Variants in CYTIP observed in about 807,000 individuals in gnomAD.
CYTIP encodes cytohesin 1 interacting protein.
Under a neutral mutation model 43.8 loss-of-function variants are expected in CYTIP, and 26 were observed. The ratio of observed to expected loss-of-function variants is 0.59; its 90% CI spans 0.44 to 0.82. The LOEUF is 0.82. Ranked by LOEUF, CYTIP falls within the 40% of genes least tolerant of loss-of-function variation. CYTIP has a pLI of 0.00. For synonymous variants in CYTIP, 162 were observed against 162.9 expected, an observed-to-expected ratio of 0.99 and a Z score of 0.04; for missense variants, 426 against 443.1, an observed-to-expected ratio of 0.96 and a Z score of 0.35.
In CYTIP at chr2:157,434,812, ATCTCTCTCTCTCTC is replaced by A. The variant is rs113065609; in HGVS notation, c.175-79_175-66del. On this transcript the variant is annotated intron_variant, in intron 1 of 7. Transcript: ENST00000264192. The stretch of plus-strand genomic sequence containing the variant: ...CAAGATACACTGTAAAATGTTCTAA[ATCTCTCTCTCTCTC>A]TCTCTCTCTCTCTCTCTCTCTCTCA... 1.8e-4 allele frequency: 74 copies of A among 415,462 alleles called. 1 individual carries two copies. The highest frequency in any genetic ancestry group is 6.9e-4 in the South Asian group (21 of 30,372). 25.7% of individuals were successfully genotyped at this position (415,462 alleles called of 1,614,324 possible). A position where few individuals can be genotyped will look rare whatever the true frequency, so the allele number is the denominator to read the frequency against.
chr2:157,416,724 A>G (rs1685444705), intron 7 of CYTIP, among the ~76,000 whole-genome samples: 3 of 152,226 alleles, frequency 2.0e-5, no homozygotes, highest in Admixed American at 1.3e-4. Flanking sequence ...GTATCTTCCA[A>G]CCTCAATATT....
intron 5 of CYTIP, 117 bp from the exon 6 acceptor site, chr2:157,427,537 C>T (rs910450546): frequency 4.7e-6 from 3 of 644,574 alleles, no homozygotes; most frequent in South Asian, 3.3e-5. Context: ...ATACTAAAAA[C>T]GAAATACAAA....
At chr2:157,416,234 G>C in intron 7 of CYTIP, 91 bp from the exon 8 acceptor site, 1 of 1,062,080 alleles carries the variant, frequency 9.4e-7, no homozygotes, top group Non-Finnish European at 1.3e-6. Context: ...AATGACACGA[G>C]AAAGAGTAAG....
Position 157,444,059 on chromosome 2 carries a change from G to A in CYTIP, c.-39C>T. 6.3e-7 allele frequency: 1 copy of A among 1,597,014 alleles called. No individual in the cohort carries two copies. Among genetic ancestry groups the A allele is most frequent in the Non-Finnish European group, 8.6e-7 (1 of 1,168,984 alleles). On this transcript the variant is annotated 5_prime_UTR_variant, in exon 1 of 8. Transcript: ENST00000264192. ...CACTCCAGCTAGCACATGGTTGAGT[G>A]GCCTTGCAGGATGGGGGAAGCTAAA...
intron 1 of CYTIP, chr2:157,439,525 C>T (rs1264283713): frequency 6.6e-6 from 1 of 152,112 alleles, no homozygotes; most frequent in Non-Finnish European, 1.5e-5. Context: ...AGGATCTGAC[C>T]AGTGGGGTCT....
intron 7 of CYTIP, 129 bp from the exon 8 acceptor site, chr2:157,416,272 G>T: frequency 1.3e-6 from 1 of 753,190 alleles, no homozygotes; most frequent in Non-Finnish European, 2.1e-6. Flanking sequence ...ACTGAGCTTT[G>T]GCGTGCTTGA....
At chr2:157,422,161 G>A (rs553715948) in intron 6 of CYTIP, among the ~76,000 whole-genome samples, 1 of 152,294 alleles carries the variant, frequency 6.6e-6, no homozygotes, top group Admixed American at 6.5e-5. Context: ...TTCAGGAAAG[G>A]CACGGAAGCC....
At chr2:157,435,357 C>A (rs534025773) in intron 1 of CYTIP, among the ~76,000 whole-genome samples, 1 of 152,144 alleles carries the variant, frequency 6.6e-6, no homozygotes, top group Non-Finnish European at 1.5e-5. Flanking sequence ...CAGGTAAAAC[C>A]AGGAACTCAA....
chr2:157,426,297 T>C (rs1024946484), intron 6 of CYTIP, among the ~76,000 whole-genome samples: 9 of 152,220 alleles, frequency 5.9e-5, no homozygotes, highest in African/African-American at 1.4e-4. Flanking sequence ...AAGATTTTAA[T>C]TGCTCTCATT....
intron 1 of CYTIP, among the ~76,000 whole-genome samples, chr2:157,435,906 A>T (rs1685801690): frequency 2.0e-5 from 3 of 152,208 alleles, no homozygotes; most frequent in Non-Finnish European, 4.4e-5. Context: ...GCTTATTAAG[A>T]CATTCATTAG....
chr2:157,434,541 G>A (rs7588323), intron 2 of CYTIP, 117 bp from the exon 3 acceptor site: 77,635 of 963,520 alleles, frequency 0.081, 3,982 homozygotes, highest in African/African-American at 0.18. Flanking sequence ...TATGTAAATT[G>A]TAGTATGTAA....
At position 157,430,575 on chromosome 2, in the gene CYTIP, A is replaced by G; in HGVS notation, c.460T>C (p.Ser154Pro). 1 of 1,614,182 alleles carries G rather than the reference A, an allele frequency of 6.2e-7. No homozygotes were observed. The highest frequency in any genetic ancestry group is 8.5e-7 in the Non-Finnish European group (1 of 1,179,988). The change falls in exon 5 of 8, where the codon TCC becomes CCC. Residue 154 changes from serine to proline, a missense_variant. Transcript: ENST00000264192. ...GATAGTTACGTTAGCAGGTTTCCGG[A>G]CGATCTGATCAGGTCAACGACTTGT... is the stretch of plus-strand genomic sequence containing the variant. Reference protein sequence around the residue: ...YKQVVDLIRSSGNLLTIETLN... With the variant: ...YKQVVDLIRSPGNLLTIETLN...
chr2:157,437,194 A>T (rs1271020572), intron 1 of CYTIP, among the ~76,000 whole-genome samples: 5 of 152,146 alleles, frequency 3.3e-5, no homozygotes, highest in African/African-American at 1.2e-4. Context: ...AAAACAGGCA[A>T]CAAAAGCAAA....
rs986993302 is a variant in CYTIP, at chr2:157,443,950, T to A, written c.71A>T (p.Tyr24Phe). 3 of 1,614,186 alleles carry A rather than the reference T, an allele frequency of 1.9e-6. No homozygotes were observed. In the Middle Eastern group the frequency reaches 4.9e-4, roughly 266 times the overall value. The part of the protein sequence containing the change: ...NLADFCAGPA[Y>F]SSYSTLTGSL... ...GCCGGTGAGTGTGGAGTAAGAGCTA[T>A]ACGCTGGCCCAGCGCAGAAGTCCGC... is the stretch of plus-strand genomic sequence containing the variant. Residue 24 changes from tyrosine to phenylalanine, a missense_variant, in exon 1 of 8, where the codon TAT becomes TTT. By Grantham distance (22) the Tyr-to-Phe change is conservative. Coordinates refer to ENST00000264192, the MANE Select transcript of CYTIP (RefSeq NM_004288.5).
chr2:157,422,619 G>A (rs1175914299), intron 6 of CYTIP, among the ~76,000 whole-genome samples: 6 of 148,530 alleles, frequency 4.0e-5, no homozygotes, highest in South Asian at 2.1e-4. Context: ...GCAGTGAGCC[G>A]AGATCATGCC....
chr2:157,428,865 C>G (rs16841744), intron 5 of CYTIP, among the ~76,000 whole-genome samples: 10,722 of 152,252 alleles, frequency 0.07, 481 homozygotes, highest in Admixed American at 0.12. Flanking sequence ...TGAAGTTTTA[C>G]ACCAGAATCA....
At chr2:157,440,159 T>G (rs879091379) in intron 1 of CYTIP, among the ~76,000 whole-genome samples, 3 of 152,148 alleles carry the variant, frequency 2.0e-5, no homozygotes, top group African/African-American at 7.2e-5. Context: ...GGCCCCAAAA[T>G]TATGTGCTCT....
At position 157,415,765 on chromosome 2, in the gene CYTIP, T is replaced by C; in HGVS notation, c.992A>G (p.Lys331Arg). Residue 331 changes from lysine (K) to arginine (R), a missense_variant, in exon 8 of 8, where the codon AAG becomes AGG. Physicochemically the swap from Lys to Arg is conservative, Grantham distance 26. Coordinates refer to ENST00000264192, the MANE Select transcript of CYTIP (RefSeq NM_004288.5). ...CTTTCGGACACTTCCCTTTCTGCTC[T>C]TCCGGGGCAGGGTCCCAAACATGCT... The part of the protein sequence containing the change: ...LSSMFGTLPR[K>R]SRKGSVRKQL... 1 of 1,614,216 alleles carries C rather than the reference T, an allele frequency of 6.2e-7. No homozygotes were observed. The highest frequency in any genetic ancestry group is 8.5e-7 in the Non-Finnish European group (1 of 1,180,012).
intron 6 of CYTIP, among the ~76,000 whole-genome samples, chr2:157,426,012 A>G (rs757363356): frequency 6.6e-6 from 1 of 151,992 alleles, no homozygotes; most frequent in Non-Finnish European, 1.5e-5. Flanking sequence ...AGAAATCTAT[A>G]TAGAAAATAT....
Sources: allele counts gnomAD v4.1 joint callset (sites outside exome capture counted in the v4.1 genomes callset), GRCh38; gene constraint gnomAD v4.1.1; transcripts MANE v1.5; gene names NCBI Gene and HGNC (gene_info 2026-07-23, HGNC 2026-07-21).